The following WWOX variants were observed in gnomAD, a reference collection of about 807,000 sequenced individuals.
WWOX encodes the protein WW domain containing oxidoreductase, also known as WW domain-containing oxidoreductase.
In WWOX, 69 loss-of-function variants were observed where a neutral mutation model predicts 46.2. The observed-to-expected ratio is 1.49, with a 90% CI of 1.23 to 1.82. The LOEUF is 1.82. Among genes scored for constraint, WWOX ranks in the 40% most tolerant of loss-of-function variants. WWOX has a pLI of 0.00. For missense variants in WWOX, 919 were observed against 542.6 expected, an observed-to-expected ratio of 1.69 and a Z score of -6.89; for synonymous variants, 359 against 202.6, an observed-to-expected ratio of 1.77 and a Z score of -6.56.
intron 8 of WWOX, among the ~76,000 whole-genome samples, chr16:78,663,816 C>A (rs541513666): frequency 6.6e-5 from 10 of 152,262 alleles, no homozygotes; most frequent in Non-Finnish European, 1.3e-4. Flanking sequence ...CAAAGAAAAT[C>A]TCAAGCACAG....
intron 8 of WWOX, among the ~76,000 whole-genome samples, chr16:79,112,591 G>C (rs748146501): frequency 1.3e-5 from 2 of 152,104 alleles, no homozygotes; most frequent in Non-Finnish European, 2.9e-5. Context: ...AGATATTTCT[G>C]ATCTTTTCAT....
At position 79,211,739 on chromosome 16, in the gene WWOX, C is replaced by A. The variant is rs923268639; in HGVS notation, c.1188C>A (p.Thr396=). The stretch of plus-strand genomic sequence containing the variant: ...CTCAGAGCGAAGAGACGGCCCGGAC[C>A]CTGTGGGCGCTCAGCGAGAGGCTGA... ...PEAQSEETAR[T]LWALSERLIQ... The change falls in exon 9 of 9, where the codon ACC becomes ACA. Residue 396 remains threonine, a synonymous_variant. Transcript: ENST00000566780. 1.9e-6 allele frequency: 3 copies of A among 1,614,224 alleles called. No individual in the cohort carries two copies. In the African/African-American group the frequency reaches 4.0e-5, roughly 22 times the overall value.
chr16:78,160,072 C>T (rs964153209), intron 4 of WWOX, among the ~76,000 whole-genome samples: 20 of 151,770 alleles, frequency 1.3e-4, no homozygotes, highest in Non-Finnish European at 2.6e-4. Context: ...TAAGTTTCTC[C>T]TTTCTCCTTT....
intron 8 of WWOX, among the ~76,000 whole-genome samples, chr16:78,691,016 A>C (rs911784755): frequency 6.6e-6 from 1 of 152,218 alleles, no homozygotes; most frequent in Non-Finnish European, 1.5e-5. Flanking sequence ...GATAATCTCC[A>C]CTAAGCAGAC....
intron 8 of WWOX, among the ~76,000 whole-genome samples, chr16:78,933,925 C>T (rs1049152936): frequency 1.3e-5 from 2 of 152,068 alleles, no homozygotes; most frequent in African/African-American, 2.4e-5. Context: ...GGTGAAGTGG[C>T]TCGCACCTGT....
At chr16:79,180,669 T>C (rs113598143) in intron 8 of WWOX, among the ~76,000 whole-genome samples, 1 of 137,614 alleles carries the variant, frequency 7.3e-6, no homozygotes, top group Non-Finnish European at 1.5e-5. Flanking sequence ...TTCTCTCTCT[T>C]CTCTCTCTCT....
intron 5 of WWOX, among the ~76,000 whole-genome samples, chr16:78,339,683 T>C (rs2080970198): frequency 8.4e-6 from 1 of 119,470 alleles, no homozygotes; most frequent in Non-Finnish European, 2.0e-5. Context: ...CTCATTTTAT[T>C]CATTGTTAGG....
chr16:78,734,773 A>AG (rs1314894566), intron 8 of WWOX, among the ~76,000 whole-genome samples: 1 of 145,602 alleles, frequency 6.9e-6, no homozygotes, highest in Non-Finnish European at 1.5e-5. Context: ...GTCTGAATAG[A>AG]GCAAATAGAC....
intron 5 of WWOX, among the ~76,000 whole-genome samples, chr16:78,226,792 C>T (rs955044382): frequency 6.6e-5 from 10 of 152,048 alleles, no homozygotes; most frequent in Non-Finnish European, 1.0e-4. Flanking sequence ...GTGTCGTACG[C>T]AGGAAGTACG....
chr16:78,842,752 TGAGGCA>T (rs1229888890), intron 8 of WWOX, among the ~76,000 whole-genome samples: 2 of 150,882 alleles, frequency 1.3e-5, no homozygotes, highest in Admixed American at 1.3e-4. Context: ...CTCAGGAGGC[TGAGGCA>T]GTAGATTCAT....
intron 8 of WWOX, among the ~76,000 whole-genome samples, chr16:79,053,991 A>AG (rs1402692325): frequency 6.1e-5 from 7 of 114,432 alleles, no homozygotes; most frequent in Middle Eastern, 4.2e-3. Context: ...TCAAGGAGAG[A>AG]GGGAAAAAAA....
chr16:78,591,654 A>G, intron 8 of WWOX, among the ~76,000 whole-genome samples: 1 of 152,198 alleles, frequency 6.6e-6, no homozygotes, highest in Non-Finnish European at 1.5e-5. Context: ...ACCAAGCTCT[A>G]AAATGAGCAT....
At chr16:78,938,880 C>A (rs1203142754) in intron 8 of WWOX, among the ~76,000 whole-genome samples, 1 of 152,108 alleles carries the variant, frequency 6.6e-6, no homozygotes, top group Non-Finnish European at 1.5e-5. Context: ...GCTGCCAGGG[C>A]CAGCCACGTG....
At chr16:78,569,980 C>G (rs1453071222) in intron 8 of WWOX, among the ~76,000 whole-genome samples, 1 of 152,154 alleles carries the variant, frequency 6.6e-6, no homozygotes, top group Non-Finnish European at 1.5e-5. Context: ...GGTTTCCATC[C>G]TGAAGAGCTT....
chr16:78,391,422 A>G (rs72796090), intron 6 of WWOX, among the ~76,000 whole-genome samples: 8 of 152,346 alleles, frequency 5.3e-5, no homozygotes, highest in Non-Finnish European at 1.0e-4. Flanking sequence ...CACTTTCTCA[A>G]CTTGAGCAAG....
At chr16:78,501,317 G>A (rs1482640207) in intron 8 of WWOX, among the ~76,000 whole-genome samples, 2 of 150,878 alleles carry the variant, frequency 1.3e-5, no homozygotes, top group African/African-American at 4.9e-5. Context: ...AAATGTTTTG[G>A]CATTCTTTAT....
At chr16:78,240,089 CAG>C (rs1286546270) in intron 5 of WWOX, among the ~76,000 whole-genome samples, 6 of 152,132 alleles carry the variant, frequency 3.9e-5, no homozygotes, top group African/African-American at 1.2e-4. Context: ...TATATGGAAA[CAG>C]GGTCTTTGCA....
At chr16:79,145,728 T>G (rs1473776283) in intron 8 of WWOX, among the ~76,000 whole-genome samples, 2 of 152,174 alleles carry the variant, frequency 1.3e-5, no homozygotes. Context: ...TAAAAATTAC[T>G]AGCAATGAAA....
intron 8 of WWOX, chr16:78,552,345 C>A (rs1337117203): frequency 6.6e-6 from 1 of 152,142 alleles, no homozygotes; most frequent in Non-Finnish European, 1.5e-5. Flanking sequence ...CGCATCTGCC[C>A]CCTCCATAGC....
Sources: allele counts gnomAD v4.1 joint callset (sites outside exome capture counted in the v4.1 genomes callset), GRCh38; gene constraint gnomAD v4.1.1; transcripts MANE v1.5; gene names NCBI Gene and HGNC (gene_info 2026-07-23, HGNC 2026-07-21).